The following GATB variants were observed in gnomAD, a reference collection of about 807,000 sequenced individuals.
GATB encodes glutamyl-tRNA amidotransferase subunit B.
Under a neutral mutation model 62.3 loss-of-function variants are expected in GATB, and 39 were observed. The ratio of observed to expected loss-of-function variants is 0.63; its 90% CI spans 0.48 to 0.82. The LOEUF (loss-of-function observed/expected upper bound fraction) is 0.82, where lower values mean the gene tolerates loss of function less well. Ranked by LOEUF, GATB falls within the 40% of genes least tolerant of loss-of-function variation. GATB has a pLI of 0.00. For missense variants in GATB, 670 were observed against 684.0 expected, an observed-to-expected ratio of 0.98 and a Z score of 0.23; for synonymous variants, 276 against 258.9, an observed-to-expected ratio of 1.07 and a Z score of -0.63.
Position 151,705,184 on chromosome 4 carries a change from C to CAG in GATB, c.962_962+1insCT (p.Thr323AlafsTer5), listed in dbSNP as rs759512011. 6.2e-7 allele frequency: 1 copy of CAG among 1,609,334 alleles called. No individual in the cohort carries two copies. The highest frequency in any genetic ancestry group is 1.7e-5 in the Admixed American group (1 of 60,004). Reference sequence around the variant, plus strand: ...CAGGACGCTCAGCAATGCGAACTCACCCCAGCTTGTGATGAAATGAGCGTG... The same window carrying CAG: ...CAGGACGCTCAGCAATGCGAACTCACAGCCCAGCTTGTGATGAAATGAGCGTG... On this transcript the variant is annotated frameshift_variant and splice_region_variant. Coordinates refer to ENST00000263985, the MANE Select transcript of GATB (RefSeq NM_004564.3). LOFTEE classifies it high-confidence loss of function.
At chr4:151,697,557 C>T (rs1313690548) in intron 9 of GATB, among the ~76,000 whole-genome samples, 2 of 151,826 alleles carry the variant, frequency 1.3e-5, no homozygotes, top group Non-Finnish European at 2.9e-5. Context: ...TAAGTCCAGA[C>T]TTACACTATG....
intron 2 of GATB, among the ~76,000 whole-genome samples, chr4:151,742,873 A>AC (rs1206022562): frequency 1.3e-5 from 2 of 152,234 alleles, no homozygotes; most frequent in African/African-American, 4.8e-5. Context: ...TAATAAGATC[A>AC]CCCAAGAACT....
At chr4:151,688,950 C>T (rs1363393878) in intron 9 of GATB, among the ~76,000 whole-genome samples, 187 bp from the exon 10 acceptor site, 1 of 152,192 alleles carries the variant, frequency 6.6e-6, no homozygotes, top group African/African-American at 2.4e-5. Context: ...CTACTACTGT[C>T]ACTGTGCATT....
intron 9 of GATB, chr4:151,691,543 G>A (rs1738366099): frequency 6.6e-6 from 1 of 152,214 alleles, no homozygotes; most frequent in African/African-American, 2.4e-5. Flanking sequence ...ATGCTGGTGT[G>A]AGGCAAAGCA....
chr4:151,737,084 C>T (rs1237373225), intron 2 of GATB, among the ~76,000 whole-genome samples: 7 of 152,172 alleles, frequency 4.6e-5, no homozygotes, highest in African/African-American at 1.2e-4. Context: ...AAGTGACTTT[C>T]GATCTGGGTA....
intron 10 of GATB, chr4:151,687,154 A>G (rs1222412997): frequency 6.6e-6 from 1 of 152,278 alleles, no homozygotes; most frequent in African/African-American, 2.4e-5. Context: ...GCAGAGGCTA[A>G]GTGAACATGA....
Position 151,760,996 on chromosome 4 carries a change from T to C in GATB, c.-14A>G, listed in dbSNP as rs1739948558. 5.0e-6 allele frequency: 8 copies of C among 1,602,348 alleles called. No individual in the cohort carries two copies. In the East Asian group the frequency reaches 1.3e-4, roughly 27 times the overall value. On this transcript the variant is annotated 5_prime_UTR_variant, in exon 1 of 13. Transcript: ENST00000263985. ...GGGCGCCGCCATTGTAACTCCAGGGTCTTGGTCAGGTGACTCAGCCTCACT... is the reference window on the plus strand; with the variant it reads ...GGGCGCCGCCATTGTAACTCCAGGGCCTTGGTCAGGTGACTCAGCCTCACT...
At chr4:151,758,657 C>A in intron 2 of GATB, 115 bp downstream of exon 2, 4 of 896,960 alleles carry the variant, frequency 4.5e-6, no homozygotes, top group Admixed American at 3.0e-5. Flanking sequence ...CCCAAAACTC[C>A]CTAAATAAGT....
chr4:151,755,906 A>T (rs1208661176), intron 2 of GATB, among the ~76,000 whole-genome samples: 3 of 152,242 alleles, frequency 2.0e-5, no homozygotes, highest in South Asian at 2.1e-4. Flanking sequence ...TGAATCATTC[A>T]GATGGAAATA....
chr4:151,688,583 G>C (rs1056643820), intron 10 of GATB, 47 bp downstream of exon 10: 1 of 1,574,458 alleles, frequency 6.4e-7, no homozygotes, highest in African/African-American at 1.4e-5. Flanking sequence ...AGCACTTCTG[G>C]ACAGAGCTCA....
At chr4:151,732,236 T>G (rs1739282045) in intron 2 of GATB, among the ~76,000 whole-genome samples, 1 of 152,018 alleles carries the variant, frequency 6.6e-6, no homozygotes, top group Non-Finnish European at 1.5e-5. Flanking sequence ...AACAGCTCAT[T>G]GAGAATGGGC....
At chr4:151,680,717 G>C (rs1400712792) in intron 10 of GATB, among the ~76,000 whole-genome samples, 1 of 152,144 alleles carries the variant, frequency 6.6e-6, no homozygotes, top group African/African-American at 2.4e-5. Flanking sequence ...GAAATGCTTG[G>C]GACCAGAAGT....
intron 2 of GATB, among the ~76,000 whole-genome samples, chr4:151,745,043 G>T (rs1473874552): frequency 6.6e-6 from 1 of 152,220 alleles, no homozygotes; most frequent in Non-Finnish European, 1.5e-5. Context: ...GAAGTGATTT[G>T]CAGAGTGACT....
intron 2 of GATB, chr4:151,722,082 G>A (rs1364474681): frequency 1.5e-6 from 1 of 653,420 alleles, no homozygotes; most frequent in African/African-American, 1.8e-5. Flanking sequence ...GAGAGTGTCA[G>A]TTAGAAGAAT....
chr4:151,691,531 C>CA (rs1328357313), intron 9 of GATB: 1 of 152,192 alleles, frequency 6.6e-6, no homozygotes, highest in African/African-American at 2.4e-5. Flanking sequence ...GTCAGGTGAT[C>CA]AATGCTGGTG....
intron 2 of GATB, among the ~76,000 whole-genome samples, chr4:151,747,455 G>A (rs1017773077): frequency 3.9e-5 from 6 of 152,198 alleles, no homozygotes; most frequent in African/African-American, 1.2e-4. Flanking sequence ...CACTATCTAA[G>A]CTGTGTGGCA....
chr4:151,696,676 A>C (rs1738476027), intron 9 of GATB, among the ~76,000 whole-genome samples: 1 of 152,212 alleles, frequency 6.6e-6, no homozygotes, highest in Non-Finnish European at 1.5e-5. Context: ...AAAGTCGTAC[A>C]ATGTGAATTG....
At chr4:151,713,851 C>T (rs574370385) in intron 5 of GATB, among the ~76,000 whole-genome samples, 2 of 152,322 alleles carry the variant, frequency 1.3e-5, no homozygotes, top group South Asian at 4.1e-4. Flanking sequence ...CAAGTCCCAG[C>T]TCTGTCACTT....
chr4:151,703,801 A>G, intron 8 of GATB, 50 bp downstream of exon 8: 2 of 1,245,466 alleles, frequency 1.6e-6, no homozygotes, highest in Non-Finnish European at 2.4e-6. Context: ...AACTTGAAAT[A>G]CGCCCCAGCC....
Sources: allele counts gnomAD v4.1 joint callset (sites outside exome capture counted in the v4.1 genomes callset), GRCh38; gene constraint gnomAD v4.1.1; transcripts MANE v1.5; gene names NCBI Gene and HGNC (gene_info 2026-07-23, HGNC 2026-07-21).